The following CEP112 variants were observed in gnomAD, a reference collection of about 807,000 sequenced individuals.
The protein encoded by CEP112 is centrosomal protein 112.
CEP112 carries 127 observed loss-of-function variants against 153.0 expected under a neutral mutation model. The observed-to-expected ratio is 0.83, with a 90% CI of 0.72 to 0.96. The LOEUF (loss-of-function observed/expected upper bound fraction) is 0.96. Ranked by LOEUF, CEP112 falls within the 40% of genes least tolerant of loss-of-function variation. CEP112 has a pLI of 0.00. For missense variants in CEP112, 1,089 were observed against 1,101.2 expected (o/e 0.99, Z 0.16); for synonymous variants, 358 against 374.4 (o/e 0.96, Z 0.51).
chr17:66,137,364 T>C (rs1484357077), intron 4 of CEP112, among the ~76,000 whole-genome samples: 2 of 151,888 alleles, frequency 1.3e-5, no homozygotes, highest in East Asian at 3.9e-4. Context: ...AGCAGGCCAA[T>C]TTACATATTA....
At chr17:65,766,592 A>G (rs528081801) in intron 21 of CEP112, among the ~76,000 whole-genome samples, 1 of 152,290 alleles carries the variant, frequency 6.6e-6, no homozygotes, top group East Asian at 1.9e-4. Flanking sequence ...AGAGTAGTTC[A>G]ATGAACAAAA....
At position 66,089,051 on chromosome 17, in the gene CEP112, T is replaced by G. The variant is rs7210726; in HGVS notation, c.768+7200A>C. 4.3e-3 allele frequency among the ~76,000 whole-genome samples: 649 copies of G among 152,176 alleles called. 6 individuals are homozygous for G. Among genetic ancestry groups the G allele is most frequent in the African/African-American group, 0.015 (623 of 41,516 alleles). ...GGACCAAAGCAACACATCTACCCAG[T>G]GGATCCAGGCTCCAAGCTCAAACAT... On this transcript the variant is annotated intron_variant, in intron 8 of 26. Transcript: ENST00000535342.
At chr17:66,047,270 C>T (rs944193653) in intron 12 of CEP112, among the ~76,000 whole-genome samples, 7 of 152,094 alleles carry the variant, frequency 4.6e-5, no homozygotes, top group African/African-American at 1.7e-4. Flanking sequence ...GCACACGCCA[C>T]CATGCCCGGC....
At chr17:66,148,327 C>T (rs1368530358) in intron 4 of CEP112, among the ~76,000 whole-genome samples, 1 of 152,070 alleles carries the variant, frequency 6.6e-6, no homozygotes, top group African/African-American at 2.4e-5. Context: ...AGCTATAATT[C>T]AAGGTAAGAT....
chr17:65,712,120 C>T (rs2049221785), intron 23 of CEP112, among the ~76,000 whole-genome samples: 1 of 152,158 alleles, frequency 6.6e-6, no homozygotes, highest in Non-Finnish European at 1.5e-5. Context: ...CACCCTCACA[C>T]CAACATCTGA....
intron 20 of CEP112, among the ~76,000 whole-genome samples, chr17:65,900,949 T>C (rs886530479): frequency 7.2e-5 from 11 of 152,294 alleles, no homozygotes; most frequent in Admixed American, 2.0e-4. Flanking sequence ...ATGTATACCA[T>C]TGACAACAAA....
At chr17:65,729,637 A>G (rs2050383678) in intron 23 of CEP112, among the ~76,000 whole-genome samples, 1 of 152,238 alleles carries the variant, frequency 6.6e-6, no homozygotes, top group Non-Finnish European at 1.5e-5. Context: ...AAAAACTAAA[A>G]TTATCCATAT....
chr17:66,111,213 TG>T (rs2069025229), intron 6 of CEP112, among the ~76,000 whole-genome samples: 1 of 152,114 alleles, frequency 6.6e-6, no homozygotes, highest in South Asian at 2.1e-4. Flanking sequence ...AAATAACAGA[TG>T]CTGGCAAGGT....
In CEP112 at chr17:65,905,944, C is replaced by CA. The variant is rs773446028; in HGVS notation, c.1981-3611dup. 1.6e-3 allele frequency among the ~76,000 whole-genome samples: 219 copies of CA among 134,818 alleles called. 1 individual carries two copies. The highest frequency in any genetic ancestry group is 4.7e-3 in the South Asian group (20 of 4,266). 88.4% of individuals were successfully genotyped at this position (134,818 alleles called of 152,430 possible). ...TGGGCAACAGGGCCAGACTCCGTCT[C>CA]AAAAAAAAAAAAGAAGACACATGCA... On this transcript the variant is annotated intron_variant, in intron 19 of 26. Transcript: ENST00000535342.
intron 18 of CEP112, among the ~76,000 whole-genome samples, chr17:65,946,166 A>G (rs2061642763): frequency 6.6e-6 from 1 of 152,182 alleles, no homozygotes; most frequent in African/African-American, 2.4e-5. Context: ...TTTGATGAAT[A>G]GAAGTTCTTA....
chr17:65,806,782 C>A (rs758523030), intron 21 of CEP112, among the ~76,000 whole-genome samples: 2 of 152,186 alleles, frequency 1.3e-5, no homozygotes, highest in Admixed American at 6.5e-5. Flanking sequence ...TCCTGTTAAG[C>A]CTGCAAAACT....
At chr17:65,951,736 TTCCC>T (rs927815134) in intron 18 of CEP112, among the ~76,000 whole-genome samples, 2 of 96,208 alleles carry the variant, frequency 2.1e-5, no homozygotes, top group Non-Finnish European at 2.1e-5. Context: ...TGCTCTAATC[TTCCC>T]CCGCCCCCCC....
At chr17:65,642,426 A>T (rs935535964) in intron 24 of CEP112, among the ~76,000 whole-genome samples, 1 of 152,128 alleles carries the variant, frequency 6.6e-6, no homozygotes, top group Non-Finnish European at 1.5e-5. Flanking sequence ...AACTGAATTA[A>T]GGAAAAAATG....
intron 25 of CEP112, 127 bp downstream of exon 25, chr17:65,640,837 C>T: frequency 1.7e-6 from 1 of 599,192 alleles, no homozygotes; most frequent in Non-Finnish European, 3.0e-6. Context: ...AAAATTTATC[C>T]TGAGTAGTAG....
chr17:65,907,459 C>T (rs2060126103), intron 19 of CEP112, among the ~76,000 whole-genome samples: 1 of 152,124 alleles, frequency 6.6e-6, no homozygotes, highest in Non-Finnish European at 1.5e-5. Flanking sequence ...TTTTAAATAT[C>T]ATTCACTTTT....
intron 23 of CEP112, among the ~76,000 whole-genome samples, chr17:65,700,194 C>G (rs2048558967): frequency 2.6e-5 from 4 of 151,992 alleles, no homozygotes; most frequent in Admixed American, 2.0e-4. Context: ...TACACTGTGT[C>G]CTTCAGATCA....
chr17:65,932,866 T>C (rs1258955645), intron 18 of CEP112, among the ~76,000 whole-genome samples: 5 of 135,178 alleles, frequency 3.7e-5, no homozygotes, highest in Non-Finnish European at 3.3e-5. Context: ...CAATCTGAAA[T>C]GAAATTTGGT....
chr17:65,923,323 A>T (rs1463942539), intron 19 of CEP112, among the ~76,000 whole-genome samples: 3 of 152,256 alleles, frequency 2.0e-5, no homozygotes, highest in African/African-American at 7.2e-5. Flanking sequence ...CATTGCATAT[A>T]AATTGTCTGA....
At chr17:66,130,775 C>CAG (rs1555805968) in intron 5 of CEP112, among the ~76,000 whole-genome samples, 4 of 86,064 alleles carry the variant, frequency 4.6e-5, no homozygotes, top group Non-Finnish European at 6.4e-5. Context: ...GACTCCGTCT[C>CAG]AAAAAAAAAA....
Sources: gnomAD v4.1 joint callset for allele counts (sites outside exome capture counted in the v4.1 genomes callset) on GRCh38, gnomAD v4.1.1 for gene constraint, MANE v1.5 for transcripts, NCBI Gene and HGNC (gene_info 2026-07-23, HGNC 2026-07-21) for gene names.